Variants in RAB3IL1 observed in about 807,000 individuals in gnomAD.
RAB3IL1 encodes the protein RAB3A interacting protein like 1.
A neutral mutation model predicts 49.2 loss-of-function variants in RAB3IL1; 37 were observed. The observed-to-expected ratio is 0.75, with a 90% confidence interval of 0.58 to 0.99. The LOEUF (loss-of-function observed/expected upper bound fraction) is 0.99. Among genes scored for constraint, RAB3IL1 ranks in the 50% least tolerant of loss-of-function variants. The pLI is 0.00. For synonymous variants in RAB3IL1, 193 were observed against 213.9 expected (o/e 0.90, Z 0.85); for missense variants, 484 against 513.0 (o/e 0.94, Z 0.55).
At position 61,906,397 on chromosome 11, in the gene RAB3IL1, G is replaced by T; in HGVS notation, c.657+69C>A. The T allele has an allele frequency of 1.0e-5, 14 of 1,395,142 alleles. 1 individual carries two copies. In the South Asian group the frequency reaches 1.4e-4, roughly 14 times the overall value. The allele number at this position is 1,395,142 out of a possible 1,614,324, so 86.4% of individuals were successfully genotyped here. On this transcript the variant is annotated intron_variant, in intron 5 of 9. Coordinates refer to ENST00000394836, the MANE Select transcript of RAB3IL1 (RefSeq NM_013401.4). The surrounding 1 kb of genome is among the most constrained non-coding windows in gnomAD (Gnocchi z 4.6). The stretch of plus-strand genomic sequence containing the variant: ...GCATGGGGCAGGCTGGTCCTCACTG[G>T]GCTCGGACCCTGCCTACCGCAGGCA...
chr11:61,918,629 G>T (rs1212688310), upstream of RAB3IL1, among the ~76,000 whole-genome samples: 2 of 152,250 alleles, frequency 1.3e-5, no homozygotes, highest in East Asian at 3.8e-4. Context: ...CTCCACGTTG[G>T]TGGAGGATGG....
At chr11:61,927,403 A>G in the RAB3IL1 span, among the ~76,000 whole-genome samples, 1 of 152,208 alleles carries the variant, frequency 6.6e-6, no homozygotes, top group Non-Finnish European at 1.5e-5. Flanking sequence ...ACAGGACCAC[A>G]GGTCAGGTAC....
chr11:61,934,446 G>GTGTA, the RAB3IL1 span, among the ~76,000 whole-genome samples: 4 of 24,392 alleles, frequency 1.6e-4, no homozygotes, highest in African/African-American at 3.2e-4. Context: ...GTGTGTGTGT[G>GTGTA]TATGTATATA....
chr11:61,917,476 C>T lies in RAB3IL1; in HGVS notation c.-109G>A. 8.7e-7 allele frequency: 1 copy of T among 1,153,768 alleles called. No individual in the cohort carries two copies. The highest frequency in any genetic ancestry group is 4.8e-5 in the Admixed American group (1 of 20,996). The allele number at this position is 1,153,768 out of a possible 1,614,324, so 71.5% of individuals were successfully genotyped here. ...GCCAGGGGCCGAGCCGCCCCACCGC[C>T]TGTCAGCCCTGCCCGCGGCCGGTCA... On this transcript the variant is annotated 5_prime_UTR_variant, in exon 1 of 10. Transcript: ENST00000394836.
At chr11:61,917,569 G>T, upstream of RAB3IL1, 1 of 1,086,782 alleles carries the variant, frequency 9.2e-7, no homozygotes, top group Non-Finnish European at 1.1e-6. Flanking sequence ...CGGGTCACGT[G>T]GCGGAGGGGG....
At chr11:61,941,715 G>A in the RAB3IL1 span, among the ~76,000 whole-genome samples, 1 of 152,124 alleles carries the variant, frequency 6.6e-6, no homozygotes, top group African/African-American at 2.4e-5. Flanking sequence ...TCGCACCACT[G>A]CACTCCAGCC....
chr11:61,940,390 G>A, the RAB3IL1 span, among the ~76,000 whole-genome samples: 3 of 150,810 alleles, frequency 2.0e-5, no homozygotes, highest in Admixed American at 1.3e-4. Flanking sequence ...GCGGTGAGCC[G>A]AGATCATGCC....
the RAB3IL1 span, among the ~76,000 whole-genome samples, chr11:61,935,675 T>C: frequency 1.3e-5 from 2 of 151,768 alleles, no homozygotes; most frequent in African/African-American, 4.8e-5. Flanking sequence ...TCACCATGCC[T>C]GGCTAATTTT....
At chr11:61,904,524 G>A in intron 7 of RAB3IL1, 22 bp downstream of exon 7, 2 of 1,578,002 alleles carry the variant, frequency 1.3e-6, no homozygotes, top group Non-Finnish European at 1.7e-6. Context: ...TGGGCAGGAA[G>A]GAGCTAAGAC....
At chr11:61,922,710 C>T (rs527810606), upstream of RAB3IL1, among the ~76,000 whole-genome samples, 6 of 152,282 alleles carry the variant, frequency 3.9e-5, no homozygotes, top group African/African-American at 9.6e-5. Flanking sequence ...CACCCTGCCC[C>T]GCCCCGCCCA....
the RAB3IL1 span, among the ~76,000 whole-genome samples, chr11:61,944,508 C>T: frequency 3.9e-5 from 6 of 152,206 alleles, no homozygotes; most frequent in East Asian, 1.2e-3. Flanking sequence ...AAGCCAGGTT[C>T]TAGAAGTCAG....
intron 7 of RAB3IL1, among the ~76,000 whole-genome samples, chr11:61,903,258 G>T (rs1253072534): frequency 6.6e-6 from 1 of 152,026 alleles, no homozygotes; most frequent in African/African-American, 2.4e-5. Flanking sequence ...CTTTTGGCCT[G>T]CATCCCCTTG....
intron 8 of RAB3IL1, among the ~76,000 whole-genome samples, chr11:61,901,096 T>C (rs1404165301): frequency 6.6e-6 from 1 of 152,054 alleles, no homozygotes; most frequent in East Asian, 1.9e-4. Flanking sequence ...TCGGATGCCT[T>C]GTGGAGTTCA....
chr11:61,934,450 GTATA>G, the RAB3IL1 span, among the ~76,000 whole-genome samples: 709 of 31,444 alleles, frequency 0.023, 13 homozygotes, highest in Middle Eastern at 0.088. Context: ...GTGTGTGTAT[GTATA>G]TATATATATA....
chr11:61,922,383 G>T (rs1939928656), upstream of RAB3IL1, among the ~76,000 whole-genome samples: 1 of 151,994 alleles, frequency 6.6e-6, no homozygotes, highest in Non-Finnish European at 1.5e-5. Flanking sequence ...TTAGCCGGGG[G>T]TGGTGGCGCA....
the RAB3IL1 span, among the ~76,000 whole-genome samples, chr11:61,934,646 T>G: frequency 6.6e-6 from 1 of 151,350 alleles, no homozygotes; most frequent in African/African-American, 2.4e-5. Context: ...AGAAAAGACC[T>G]GAAGGGGTCC....
chr11:61,936,704 T>C, the RAB3IL1 span, among the ~76,000 whole-genome samples: 1 of 152,144 alleles, frequency 6.6e-6, no homozygotes. Context: ...CTAATCTCAA[T>C]AAGATTAACA....
intron 1 of RAB3IL1, 85 bp from the exon 2 acceptor site, chr11:61,908,391 G>A: frequency 7.7e-7 from 1 of 1,294,228 alleles, no homozygotes; most frequent in Non-Finnish European, 9.9e-7. Flanking sequence ...CCGGGGCAAT[G>A]TGCCTGCCAC....
At chr11:61,920,663 C>T (rs957770768), upstream of RAB3IL1, among the ~76,000 whole-genome samples, 3 of 152,258 alleles carry the variant, frequency 2.0e-5, no homozygotes, top group Admixed American at 6.5e-5. Flanking sequence ...GAGGCTCACG[C>T]CTGTAATCCC....
Sources: allele counts gnomAD v4.1 joint callset (sites outside exome capture counted in the v4.1 genomes callset), GRCh38; gene constraint gnomAD v4.1.1; non-coding constraint Gnocchi (gnomAD v3.1); transcripts MANE v1.5; gene names NCBI Gene and HGNC (gene_info 2026-07-23, HGNC 2026-07-21).